The following RNF157 variants were observed in gnomAD, a reference collection of about 807,000 sequenced individuals.
The protein encoded by RNF157 is ring finger protein 157.
In RNF157, 55 loss-of-function variants were observed where a neutral mutation model predicts 88.3. That is an observed-to-expected ratio of 0.62 (90% CI 0.50 to 0.78). The LOEUF (loss-of-function observed/expected upper bound fraction) is 0.78, where lower values mean the gene tolerates loss of function less well. Ranked by LOEUF, RNF157 falls within the 30% of genes least tolerant of loss-of-function variation. The probability of loss-of-function intolerance (pLI) is 0.00; values close to 1 mark genes in which losing one functional copy is unlikely to be tolerated. For synonymous variants in RNF157, 334 were observed against 341.2 expected (o/e 0.98, Z 0.23); for missense variants, 788 against 860.8 (o/e 0.92, Z 1.06).
intron 2 of RNF157, among the ~76,000 whole-genome samples, chr17:76,201,194 G>A (rs549972636): frequency 6.6e-6 from 1 of 151,490 alleles, no homozygotes; most frequent in East Asian, 1.9e-4. Flanking sequence ...CAACATAGAA[G>A]AATATGAAGA....
rs949542404 is a variant in RNF157, at chr17:76,157,239, T to C, written c.1414-918A>G. ...CCTCGGCCTCCCAAAGTGCCGGGAT[T>C]CCAGGCGTGAGCCTCCGCGCCCGGC... On this transcript the variant is annotated intron_variant, in intron 13 of 18. Coordinates refer to ENST00000269391, the MANE Select transcript of RNF157 (RefSeq NM_052916.3). The surrounding 1 kb of genome is among the most constrained non-coding windows in gnomAD (Gnocchi z 5.6). Among the ~76,000 whole-genome samples the C allele has an allele frequency of 6.6e-6, 1 of 152,260 alleles. No homozygotes were observed. The highest frequency in any genetic ancestry group is 1.5e-5 in the Non-Finnish European group (1 of 68,040).
intron 11 of RNF157, 121 bp from the exon 12 acceptor site, chr17:76,159,694 G>T: frequency 1.4e-6 from 1 of 720,024 alleles, no homozygotes. Flanking sequence ...GGTCTGGTAA[G>T]AACAACTGTA....
In RNF157 at chr17:76,146,270, T is replaced by G. The variant is rs2068584086; in HGVS notation, c.1922-917A>C. The G allele has an allele frequency of 1.2e-6, 1 of 861,140 alleles. No homozygotes were observed. Among genetic ancestry groups the G allele is most frequent in the African/African-American group, 1.8e-5 (1 of 54,722 alleles). 53.3% of individuals were successfully genotyped at this position (861,140 alleles called of 1,614,324 possible). A position where few individuals can be genotyped will look rare whatever the true frequency, so the allele number is the denominator to read the frequency against. ...CTGTGGGCCTTGGTTTTCTCACCCA[T>G]CAGATGGGACATGCGTACTGACCTC... On this transcript the variant is annotated intron_variant, in intron 18 of 18. Coordinates refer to ENST00000269391, the MANE Select transcript of RNF157 (RefSeq NM_052916.3). The surrounding 1 kb of genome is among the most constrained non-coding windows in gnomAD (Gnocchi z 4.2).
At chr17:76,147,879 TCA>T (rs1466061373) in intron 18 of RNF157, among the ~76,000 whole-genome samples, 2 of 152,214 alleles carry the variant, frequency 1.3e-5, no homozygotes, top group African/African-American at 2.4e-5. Flanking sequence ...CGTTCATGTC[TCA>T]GTTTTTGGGA....
At chr17:76,239,433 T>TG (rs2070335558) in intron 1 of RNF157, among the ~76,000 whole-genome samples, 1 of 152,150 alleles carries the variant, frequency 6.6e-6, no homozygotes, top group Non-Finnish European at 1.5e-5. Flanking sequence ...GTCCCAGAGC[T>TG]GGTCCCACTC....
chr17:76,188,739 T>C lies in RNF157; in HGVS notation c.208-14949A>G, dbSNP rs78484150. Among the ~76,000 whole-genome samples the C allele has an allele frequency of 6.7e-3, 1,026 of 152,268 alleles. 5 individuals carry two copies. The highest frequency in any genetic ancestry group is 0.024 in the African/African-American group (988 of 41,542). ...AAGAAAGCATGGCTCCATAATTAAG[T>C]GGGAAGTCAAAAGTTCAGCAAGAGG... On this transcript the variant is annotated intron_variant, in intron 2 of 18. Coordinates refer to ENST00000269391, the MANE Select transcript of RNF157 (RefSeq NM_052916.3).
chr17:76,194,815 A>G (rs562768102), intron 2 of RNF157, among the ~76,000 whole-genome samples: 1 of 152,270 alleles, frequency 6.6e-6, no homozygotes, highest in South Asian at 2.1e-4. Context: ...GGAGATCGAG[A>G]CCATCCTGGC....
rs1028322553 is a variant in RNF157 at position 76,182,769 on chromosome 17, A to ATG, written c.208-8980_208-8979insCA. 1.0e-3 allele frequency among the ~76,000 whole-genome samples: 143 copies of ATG among 138,434 alleles called. 8 individuals carry two copies. Among genetic ancestry groups the ATG allele is most frequent in the African/African-American group, 4.1e-3 (141 of 34,506 alleles). The allele number at this position is 138,434 out of a possible 152,430, so 90.8% of individuals were successfully genotyped here. A position where few individuals can be genotyped will look rare whatever the true frequency, so the allele number is the denominator to read the frequency against. The stretch of plus-strand genomic sequence containing the variant: ...GATTCAGGCCTCGTCTCATATATAT[A>ATG]TATATATATATATATATATGAGAGA... On this transcript the variant is annotated intron_variant, in intron 2 of 18. Coordinates refer to ENST00000269391, the MANE Select transcript of RNF157 (RefSeq NM_052916.3).
intron 1 of RNF157, among the ~76,000 whole-genome samples, chr17:76,233,402 T>C (rs996965368): frequency 6.6e-6 from 1 of 152,232 alleles, no homozygotes; most frequent in South Asian, 2.1e-4. Flanking sequence ...TCCAATTTAT[T>C]ATTATTTTTT....
chr17:76,212,719 G>A (rs1238788256), intron 1 of RNF157, among the ~76,000 whole-genome samples: 3 of 151,796 alleles, frequency 2.0e-5, no homozygotes, highest in Middle Eastern at 3.2e-3. Flanking sequence ...AAAATTAGCC[G>A]GGTGTGGTGG....
chr17:76,165,297 A>AT (rs1170172517), intron 7 of RNF157, among the ~76,000 whole-genome samples: 4 of 151,792 alleles, frequency 2.6e-5, no homozygotes, highest in Admixed American at 1.3e-4. Flanking sequence ...TTATTTATTT[A>AT]TTTTTTTTGA....
chr17:76,185,958 G>C (rs1425231900), intron 2 of RNF157, among the ~76,000 whole-genome samples: 1 of 151,882 alleles, frequency 6.6e-6, no homozygotes, highest in African/African-American at 2.4e-5. Context: ...GACTAAATAG[G>C]CATTTAAAAA....
Position 76,155,686 on chromosome 17 carries a change from G to T in RNF157, c.1574C>A (p.Ser525Tyr), listed in dbSNP as rs143758012. ...LAQSVMSMASSQISTDTVSSM... is the reference protein window; with the variant it reads ...LAQSVMSMASYQISTDTVSSM... Reference sequence around the variant, plus strand: ...GGAGACGGTGTCAGTGCTGATCTGGGAGGATGCCATGGACATGACAGACTG... The same window carrying T: ...GGAGACGGTGTCAGTGCTGATCTGGTAGGATGCCATGGACATGACAGACTG... Residue 525 changes from serine to tyrosine, a missense_variant, in exon 15 of 19, where the codon TCC (serine) becomes TAC (tyrosine). Transcript: ENST00000269391. 4.9e-5 allele frequency: 79 copies of T among 1,611,344 alleles called. No individual in the cohort carries two copies. Among genetic ancestry groups the T allele is most frequent in the Non-Finnish European group, 6.1e-5 (72 of 1,178,808 alleles).
chr17:76,154,294 G>T lies in RNF157; in HGVS notation c.1799C>A (p.Pro600His), dbSNP rs760983054. ...AGATCTTTTACCACCTTCCTGCGTG[G>T]GTGATCCATCCTCTTCCTCTATAAC... ...NDVIEEEDGS[P>H]TQEGQRTCAF... The change falls in exon 17 of 19, where the codon CCC becomes CAC. Residue 600 changes from proline (P) to histidine (H), a missense_variant. By Grantham distance (77) the Pro-to-His change is moderately conservative. Transcript: ENST00000269391. 6 of 1,611,410 alleles carry T rather than the reference G, an allele frequency of 3.7e-6. No individual in the cohort carries two copies. The South Asian group carries it at 6.6e-5, about 18-fold the overall frequency.
chr17:76,235,083 C>A (rs6501869), intron 1 of RNF157, among the ~76,000 whole-genome samples: 20,578 of 152,088 alleles, frequency 0.14, 2,031 homozygotes, highest in African/African-American at 0.26. Flanking sequence ...TGCATAGTAA[C>A]TTTTAAAATA....
At chr17:76,149,626 G>A (rs2068642319) in intron 18 of RNF157, among the ~76,000 whole-genome samples, 1 of 152,158 alleles carries the variant, frequency 6.6e-6, no homozygotes, top group African/African-American at 2.4e-5. Context: ...TGCTAACAGT[G>A]GAAGCAGAGA....
chr17:76,240,164 G>T lies in RNF157; in HGVS notation c.77C>A (p.Pro26Gln). 1 of 1,370,406 alleles carries T rather than the reference G, an allele frequency of 7.3e-7. No individual in the cohort carries two copies. Among genetic ancestry groups the T allele is most frequent in the South Asian group, 1.9e-5 (1 of 51,398 alleles). 84.9% of individuals were successfully genotyped at this position (1,370,406 alleles called of 1,614,324 possible). ...CCGCCCGCCCTCACCGGACTTGGGC[G>T]GGTAGCGGTACACGGAATTAGACGG... is the stretch of plus-strand genomic sequence containing the variant. ...DIPSNSVYRY[P>Q]PKSGSYFASH... The change falls in exon 1 of 19, where the codon CCG becomes CAG. Residue 26 changes from proline to glutamine, a missense_variant. Coordinates refer to ENST00000269391, the MANE Select transcript of RNF157 (RefSeq NM_052916.3). This position sits in a 1 kb window ranked among gnomAD's most constrained non-coding sequence, Gnocchi z 4.4.
intron 2 of RNF157, among the ~76,000 whole-genome samples, chr17:76,192,235 C>T (rs746582694): frequency 2.0e-5 from 3 of 152,188 alleles, no homozygotes; most frequent in African/African-American, 4.8e-5. Flanking sequence ...TGTTAAGAAA[C>T]ATGGCATCAA....
At chr17:76,198,313 T>C (rs1201180296) in intron 2 of RNF157, among the ~76,000 whole-genome samples, 4 of 152,304 alleles carry the variant, frequency 2.6e-5, no homozygotes, top group African/African-American at 7.2e-5. Context: ...ATGAACACCT[T>C]GGCAAGAGCC....
Sources: allele counts gnomAD v4.1 joint callset (sites outside exome capture counted in the v4.1 genomes callset), GRCh38; gene constraint gnomAD v4.1.1; non-coding constraint Gnocchi (gnomAD v3.1); transcripts MANE v1.5; gene names NCBI Gene and HGNC (gene_info 2026-07-23, HGNC 2026-07-21).